The following ASIC2 variants were observed in gnomAD, a reference collection of about 807,000 sequenced individuals.
The protein encoded by ASIC2 is acid-sensing ion channel 2.
ASIC2 carries 25 observed loss-of-function variants against 57.3 expected under a neutral mutation model. The observed-to-expected ratio is 0.44, with a 90% CI of 0.32 to 0.61. ASIC2 has a LOEUF of 0.61. Among genes scored for constraint, ASIC2 ranks in the 20% least tolerant of loss-of-function variants. The probability of loss-of-function intolerance (pLI) is 0.06; values close to 1 mark genes in which losing one functional copy is unlikely to be tolerated. For synonymous variants in ASIC2, 319 were observed against 307.5 expected (o/e 1.04, Z -0.39); for missense variants, 641 against 738.1 (o/e 0.87, Z 1.52).
At chr17:34,132,197 T>C (rs1274637810) in intron 1 of ASIC2, among the ~76,000 whole-genome samples, 2 of 152,198 alleles carry the variant, frequency 1.3e-5, no homozygotes, top group Non-Finnish European at 2.9e-5. Flanking sequence ...TCCTAGTGTG[T>C]CCGGAGTTGG....
intron 1 of ASIC2, among the ~76,000 whole-genome samples, chr17:33,526,211 G>T (rs1914881072): frequency 6.6e-6 from 1 of 152,146 alleles, no homozygotes; most frequent in Admixed American, 6.5e-5. Flanking sequence ...CTTTTCTGGA[G>T]CAACATCCTG....
chr17:33,682,115 A>G (rs1198269842), intron 1 of ASIC2, among the ~76,000 whole-genome samples: 1 of 143,492 alleles, frequency 7.0e-6, no homozygotes, highest in Non-Finnish European at 1.5e-5. Flanking sequence ...GCTGGAGTGC[A>G]GTAGTGCAAT....
chr17:33,630,917 A>G lies in ASIC2; in HGVS notation c.556-518850T>C, dbSNP rs916443450. On this transcript the variant is annotated intron_variant, in intron 1 of 9. Transcript: ENST00000359872. ...CACAAAAGTATAAAATTAAGGACTG[A>G]CATGCAAAGTCCTATCTCACCAAAA... Among the ~76,000 whole-genome samples, 3 of 152,222 alleles carry G rather than the reference A, an allele frequency of 2.0e-5. No homozygotes were observed. In the South Asian group the frequency reaches 6.2e-4, roughly 32 times the overall value.
At chr17:33,537,481 A>G (rs1037413760) in intron 1 of ASIC2, among the ~76,000 whole-genome samples, 1 of 152,188 alleles carries the variant, frequency 6.6e-6, no homozygotes, top group African/African-American at 2.4e-5. Flanking sequence ...TTCTACTGAA[A>G]TGCACTTTGT....
At position 33,912,701 on chromosome 17, in the gene ASIC2, CGGGTG is replaced by C; in HGVS notation, c.555+243272_555+243276del. 2.4e-5 allele frequency among the ~76,000 whole-genome samples: 3 copies of C among 125,830 alleles called. 1 individual carries two copies. The highest frequency in any genetic ancestry group is 3.0e-5 in the African/African-American group (1 of 33,640). The allele number at this position is 125,830 out of a possible 152,430, so 82.5% of individuals were successfully genotyped here. The stretch of plus-strand genomic sequence containing the variant: ...CATTTTAAAAATTATAGACTAGGGC[CGGGTG>C]AGGTGTCTCACGCCTGTAATCCCAG... On this transcript the variant is annotated intron_variant, in intron 1 of 9. Transcript: ENST00000359872.
intron 1 of ASIC2, among the ~76,000 whole-genome samples, chr17:33,342,031 A>G (rs1056704326): frequency 6.6e-6 from 1 of 152,218 alleles, no homozygotes; most frequent in African/African-American, 2.4e-5. Context: ...GCAGTCACAT[A>G]TTTTGATTTA....
chr17:33,251,352 C>T (rs1908874851), intron 1 of ASIC2, among the ~76,000 whole-genome samples: 1 of 152,142 alleles, frequency 6.6e-6, no homozygotes, highest in South Asian at 2.1e-4. Context: ...ATTTTTGAGA[C>T]AGGGTCTTGT....
chr17:33,639,384 A>G (rs1329374587), intron 1 of ASIC2, among the ~76,000 whole-genome samples: 3 of 152,284 alleles, frequency 2.0e-5, no homozygotes, highest in East Asian at 3.9e-4. Flanking sequence ...CTTTTCCAGA[A>G]CACTCCATGG....
intron 1 of ASIC2, among the ~76,000 whole-genome samples, chr17:33,591,597 C>T (rs1014016075): frequency 6.6e-6 from 1 of 152,188 alleles, no homozygotes; most frequent in South Asian, 2.1e-4. Context: ...GGTCTCACAA[C>T]CCACCATTGC....
At chr17:34,078,553 C>T (rs1229905985) in intron 1 of ASIC2, among the ~76,000 whole-genome samples, 1 of 152,120 alleles carries the variant, frequency 6.6e-6, no homozygotes, top group Admixed American at 6.5e-5. Context: ...GCTCCCTTCC[C>T]TAGCACCCCC....
At chr17:33,920,660 G>T (rs76620969) in intron 1 of ASIC2, among the ~76,000 whole-genome samples, 3,000 of 152,288 alleles carry the variant, frequency 0.02, 58 homozygotes, top group Non-Finnish European at 0.03. Context: ...TCAGCGTCAT[G>T]CAATATGCTC....
intron 1 of ASIC2, among the ~76,000 whole-genome samples, chr17:33,774,429 A>AT (rs1287999057): frequency 1.3e-5 from 2 of 152,128 alleles, no homozygotes; most frequent in African/African-American, 4.8e-5. Context: ...GGGCATAGAT[A>AT]TGGATGACTG....
chr17:33,865,328 G>A (rs1197507658), intron 1 of ASIC2, among the ~76,000 whole-genome samples: 4 of 152,136 alleles, frequency 2.6e-5, no homozygotes, highest in African/African-American at 9.7e-5. Flanking sequence ...GCAGAATTAC[G>A]ACCCTGTTTC....
At chr17:33,730,672 CTCTT>C (rs2142090503) in intron 1 of ASIC2, among the ~76,000 whole-genome samples, 1 of 152,306 alleles carries the variant, frequency 6.6e-6, no homozygotes, top group South Asian at 2.1e-4. Context: ...GTTTTACAAA[CTCTT>C]TCTTGAGACG....
At chr17:33,083,254 T>C (rs7222081) in intron 3 of ASIC2, among the ~76,000 whole-genome samples, 37,478 of 152,096 alleles carry the variant, frequency 0.25, 5,834 homozygotes, top group African/African-American at 0.44. Context: ...CAGAGGGCTC[T>C]GAGACTATAA....
intron 1 of ASIC2, among the ~76,000 whole-genome samples, chr17:33,322,464 T>G (rs1906907773): frequency 6.6e-6 from 1 of 152,212 alleles, no homozygotes; most frequent in African/African-American, 2.4e-5. Flanking sequence ...TTCTATTAAG[T>G]GCCTGCTGTG....
intron 1 of ASIC2, among the ~76,000 whole-genome samples, chr17:33,693,427 T>C (rs1342715258): frequency 6.6e-6 from 1 of 152,190 alleles, no homozygotes; most frequent in Non-Finnish European, 1.5e-5. Context: ...ACACCTCTGA[T>C]AGGAACATCC....
At chr17:33,591,111 T>A (rs1286044259) in intron 1 of ASIC2, among the ~76,000 whole-genome samples, 1 of 152,216 alleles carries the variant, frequency 6.6e-6, no homozygotes, top group African/African-American at 2.4e-5. Context: ...TGAGGGTGAC[T>A]GCCATCCTCT....
intron 1 of ASIC2, among the ~76,000 whole-genome samples, chr17:33,737,987 T>C (rs1425086064): frequency 6.6e-6 from 1 of 151,982 alleles, no homozygotes; most frequent in Non-Finnish European, 1.5e-5. Flanking sequence ...ATGAACAAAA[T>C]AAGGAATATG....
Sources: allele counts gnomAD v4.1 joint callset (sites outside exome capture counted in the v4.1 genomes callset), GRCh38; gene constraint gnomAD v4.1.1; transcripts MANE v1.5; gene names NCBI Gene and HGNC (gene_info 2026-07-23, HGNC 2026-07-21).